WLS: variants seen among roughly 807,000 people sequenced by gnomAD.
WLS encodes protein wntless homolog.
WLS carries 23 observed loss-of-function variants against 62.8 expected under a neutral mutation model. The ratio of observed to expected loss-of-function variants is 0.37; its 90% CI spans 0.26 to 0.52. The LOEUF (loss-of-function observed/expected upper bound fraction) is 0.52, where lower values mean the gene tolerates loss of function less well. WLS is among the 20% of genes least tolerant of loss of function. The pLI is 0.92. For missense variants in WLS, 615 were observed against 697.3 expected, an observed-to-expected ratio of 0.88 and a Z score of 1.33; for synonymous variants, 246 against 244.1, an observed-to-expected ratio of 1.01 and a Z score of -0.07.
At position 68,125,681 on chromosome 1, in the gene WLS, C is replaced by CAGGGACACTT; in HGVS notation, c.*535_*544dup. On this transcript the variant is annotated 3_prime_UTR_variant, in exon 12 of 12. Transcript: ENST00000262348. ...AATTCAGTTATATTATGCCACAAAA[C>CAGGGACACTT]AGGGACACTTATCTATTGACAACTT... 3 of 985,598 alleles carry CAGGGACACTT rather than the reference C, an allele frequency of 3.0e-6. No homozygotes were observed. The South Asian group carries it at 1.4e-4, about 46-fold the overall frequency. 61.1% of individuals were successfully genotyped at this position (985,598 alleles called of 1,614,324 possible). A position where few individuals can be genotyped will look rare whatever the true frequency, so the allele number is the denominator to read the frequency against.
chr1:68,214,003 T>A (rs1263684927), intron 1 of WLS, among the ~76,000 whole-genome samples: 1 of 152,176 alleles, frequency 6.6e-6, no homozygotes, highest in African/African-American at 2.4e-5. Flanking sequence ...CTCTTCTGCC[T>A]TCAGGATCTT....
At chr1:68,191,058 CAA>C (rs10590224) in intron 2 of WLS, among the ~76,000 whole-genome samples, 87,685 of 131,576 alleles carry the variant, frequency 0.67, 28,225 homozygotes, top group Non-Finnish European at 0.7. Context: ...AACTCAGACT[CAA>C]AAAAAAAAAA....
chr1:68,182,038 G>A (rs1305556192), intron 2 of WLS, among the ~76,000 whole-genome samples: 1 of 152,178 alleles, frequency 6.6e-6, no homozygotes, highest in Non-Finnish European at 1.5e-5. Context: ...CACCATAGAA[G>A]AGTGTTTTGT....
At chr1:68,216,887 T>C (rs1649751517) in intron 1 of WLS, among the ~76,000 whole-genome samples, 1 of 152,214 alleles carries the variant, frequency 6.6e-6, no homozygotes, top group Non-Finnish European at 1.5e-5. Flanking sequence ...ACTCCAAATA[T>C]CTTCCCAAAG....
At chr1:68,160,071 CT>C (rs58448910) in intron 2 of WLS, among the ~76,000 whole-genome samples, 11,436 of 93,320 alleles carry the variant, frequency 0.12, 489 homozygotes, top group African/African-American at 0.21. Flanking sequence ...GCAGAGAAGT[CT>C]TTTTTTTTTT....
intron 1 of WLS, among the ~76,000 whole-genome samples, chr1:68,212,081 T>A (rs559484824): frequency 3.9e-5 from 6 of 152,206 alleles, no homozygotes; most frequent in African/African-American, 1.4e-4. Flanking sequence ...TCCTTCCCCC[T>A]TTTTTGATCG....
At chr1:68,149,741 G>C (rs1646800491) in intron 6 of WLS, among the ~76,000 whole-genome samples, 1 of 152,154 alleles carries the variant, frequency 6.6e-6, no homozygotes, top group South Asian at 2.1e-4. Context: ...ATTGCCAGCT[G>C]GAAAGAGCCA....
At chr1:68,208,747 A>G (rs1365990467) in intron 1 of WLS, among the ~76,000 whole-genome samples, 1 of 152,216 alleles carries the variant, frequency 6.6e-6, no homozygotes, top group Non-Finnish European at 1.5e-5. Flanking sequence ...GTGCAAACAC[A>G]TCATGCAAAC....
Position 68,125,595 on chromosome 1 carries a change from T to TTAGA in WLS, c.*627_*630dup, listed in dbSNP as rs1362722965. 1.0e-6 allele frequency: 1 copy of TTAGA among 985,414 alleles called. No homozygotes were observed. Among genetic ancestry groups the TTAGA allele is most frequent in the Non-Finnish European group, 1.2e-6 (1 of 829,992 alleles). 61.0% of individuals were successfully genotyped at this position (985,414 alleles called of 1,614,324 possible). A position where few individuals can be genotyped will look rare whatever the true frequency, so the allele number is the denominator to read the frequency against. On this transcript the variant is annotated 3_prime_UTR_variant, in exon 12 of 12. Transcript: ENST00000262348. The stretch of plus-strand genomic sequence containing the variant: ...CCCACATCCAACAGATTGGTTAGTA[T>TTAGA]TAGATACACAGATTTGGTTTCAAAG...
chr1:68,222,564 A>C (rs1318215296), intron 1 of WLS, among the ~76,000 whole-genome samples: 1 of 152,166 alleles, frequency 6.6e-6, no homozygotes, highest in African/African-American at 2.4e-5. Context: ...CTTCACACTG[A>C]AACTCTGAAG....
At position 68,155,181 on chromosome 1, in the gene WLS, T is replaced by A; in HGVS notation, c.584A>T (p.Tyr195Phe). ...MEIGSVAHKF[Y>F]LLNIRLPVNE... Reference sequence around the variant, plus strand: ...CACAGGCAGCCGGATGTTTAAAAGGTAAAACTTATGGGCCACAGACCCAAT... The same window carrying A: ...CACAGGCAGCCGGATGTTTAAAAGGAAAAACTTATGGGCCACAGACCCAAT... Residue 195 changes from tyrosine (Y) to phenylalanine (F), a missense_variant, in exon 4 of 12, where the codon TAC becomes TTC. Physicochemically the swap from Tyr to Phe is conservative, Grantham distance 22. Coordinates refer to ENST00000262348, the MANE Select transcript of WLS (RefSeq NM_024911.7). 1 of 1,613,960 alleles carries A rather than the reference T, an allele frequency of 6.2e-7. No homozygotes were observed. Among genetic ancestry groups the A allele is most frequent in the Non-Finnish European group, 8.5e-7 (1 of 1,179,936 alleles).
chr1:68,186,768 G>A (rs1217128969), intron 2 of WLS: 2 of 428,164 alleles, frequency 4.7e-6, no homozygotes, highest in East Asian at 1.4e-4. Context: ...ACTAAAACAT[G>A]TGTGTATATG....
intron 10 of WLS, among the ~76,000 whole-genome samples, chr1:68,139,731 C>A (rs1223201387): frequency 6.6e-6 from 1 of 152,246 alleles, no homozygotes; most frequent in Non-Finnish European, 1.5e-5. Flanking sequence ...ATGTGCCTTG[C>A]ACACAGTGGT....
chr1:68,135,907 G>T (rs1394216659), intron 11 of WLS, among the ~76,000 whole-genome samples: 2 of 152,188 alleles, frequency 1.3e-5, no homozygotes, highest in Non-Finnish European at 2.9e-5. Flanking sequence ...TGGAAAGGAA[G>T]AAGGCTGCCT....
intron 2 of WLS, chr1:68,162,499 C>T (rs796150983): frequency 3.1e-6 from 5 of 1,613,780 alleles, no homozygotes; most frequent in East Asian, 2.2e-5. Context: ...GGCCTTGGCT[C>T]GAACTGCAAC....
At chr1:68,098,660 A>G (rs112392383) in exon 12 of WLS, 2 of 1,614,020 alleles carry the variant, frequency 1.2e-6, no homozygotes, top group Non-Finnish European at 1.7e-6. Context: ...GTTGTCATTG[A>G]TGAAGGAATA....
intron 2 of WLS, among the ~76,000 whole-genome samples, chr1:68,182,308 T>C (rs1314228408): frequency 1.3e-5 from 2 of 152,240 alleles, no homozygotes; most frequent in African/African-American, 4.8e-5. Flanking sequence ...GTTGTCCAAG[T>C]AATGTGCTTA....
In WLS at chr1:68,161,649, A is replaced by G. The variant is rs146027542; in HGVS notation, c.380-2402T>C. 4.5e-6 allele frequency: 4 copies of G among 879,304 alleles called. No homozygotes were observed. The African/African-American group carries it at 6.6e-5, about 15-fold the overall frequency. 54.5% of individuals were successfully genotyped at this position (879,304 alleles called of 1,614,324 possible). ...TGCAGCATCAATGATGCATAAGTCC[A>G]GAATCAGTTACAAAGACCATCATAT... On this transcript the variant is annotated intron_variant, in intron 2 of 11. Coordinates refer to ENST00000262348, the MANE Select transcript of WLS (RefSeq NM_024911.7).
At chr1:68,133,051 GCAGCAACAGCAACAGCA>G (rs1557464622) in intron 11 of WLS, among the ~76,000 whole-genome samples, 50 of 152,058 alleles carry the variant, frequency 3.3e-4, no homozygotes, top group East Asian at 1.4e-3. Context: ...AAAGGCAGCA[GCAGCAACAGCAACAGCA>G]GCAGCAGCAG....
Sources: gnomAD v4.1 joint callset for allele counts (sites outside exome capture counted in the v4.1 genomes callset) on GRCh38, gnomAD v4.1.1 for gene constraint, MANE v1.5 for transcripts, NCBI Gene and HGNC (gene_info 2026-07-23, HGNC 2026-07-21) for gene names.